ADAMTS3: variants seen among roughly 807,000 people sequenced by gnomAD.
ADAMTS3 encodes ADAM metallopeptidase with thrombospondin type 1 motif 3, also known as A disintegrin and metalloproteinase with thrombospondin motifs 3.
A neutral mutation model predicts 129.0 loss-of-function variants in ADAMTS3; 73 were observed. The observed-to-expected ratio is 0.57, with a 90% CI of 0.47 to 0.69. The LOEUF is 0.69. ADAMTS3 is among the 30% of genes least tolerant of loss of function. The pLI is 0.00. For synonymous variants in ADAMTS3, 477 were observed against 510.8 expected, an observed-to-expected ratio of 0.93 and a Z score of 0.89; for missense variants, 1,457 against 1,514.5, an observed-to-expected ratio of 0.96 and a Z score of 0.63.
chr4:72,539,844 C>A (rs892434686), intron 3 of ADAMTS3, among the ~76,000 whole-genome samples: 1 of 152,136 alleles, frequency 6.6e-6, no homozygotes, highest in Non-Finnish European at 1.5e-5. Context: ...CCTTGCCTTC[C>A]GCCATGATTG....
chr4:72,455,828 T>C (rs1292823942), intron 3 of ADAMTS3, among the ~76,000 whole-genome samples: 2 of 130,804 alleles, frequency 1.5e-5, no homozygotes, highest in African/African-American at 5.7e-5. Flanking sequence ...ACATATAGTA[T>C]ATACAGTGTA....
intron 4 of ADAMTS3, among the ~76,000 whole-genome samples, chr4:72,402,293 C>T (rs1380279808): frequency 6.6e-6 from 1 of 152,150 alleles, no homozygotes; most frequent in Non-Finnish European, 1.5e-5. Flanking sequence ...AGATCATTCA[C>T]TATAATGCGA....
chr4:72,549,975 AAG>A (rs1721576362), intron 2 of ADAMTS3, among the ~76,000 whole-genome samples: 1 of 29,028 alleles, frequency 3.4e-5, no homozygotes, highest in African/African-American at 2.4e-4. Flanking sequence ...GAAGAAGAAG[AAG>A]AAGAAGAAGA....
intron 19 of ADAMTS3, 146 bp downstream of exon 19, chr4:72,295,508 T>G: frequency 1.3e-6 from 1 of 749,518 alleles, no homozygotes; most frequent in Non-Finnish European, 2.0e-6. Flanking sequence ...AACTGCAGCT[T>G]TATATAATTC....
chr4:72,326,686 T>A (rs1719707681), intron 5 of ADAMTS3, among the ~76,000 whole-genome samples: 1 of 152,002 alleles, frequency 6.6e-6, no homozygotes, highest in Non-Finnish European at 1.5e-5. Context: ...CCCCCATCCA[T>A]GCACAAAGTT....
chr4:72,552,679 G>A (rs1157557310), intron 2 of ADAMTS3, among the ~76,000 whole-genome samples: 1 of 152,042 alleles, frequency 6.6e-6, no homozygotes, highest in Non-Finnish European at 1.5e-5. Context: ...TTGAAGCTGG[G>A]GATTCTCACA....
At chr4:72,289,779 A>T (rs1358859825) in intron 20 of ADAMTS3, among the ~76,000 whole-genome samples, 1 of 152,146 alleles carries the variant, frequency 6.6e-6, no homozygotes, top group East Asian at 1.9e-4. Context: ...TCTCTCTTGC[A>T]TGCCTCCTTG....
At chr4:72,519,042 A>G (rs1347648443) in intron 3 of ADAMTS3, among the ~76,000 whole-genome samples, 1 of 150,656 alleles carries the variant, frequency 6.6e-6, no homozygotes, top group East Asian at 1.9e-4. Context: ...GGTGGTGACA[A>G]AATCTCTCAG....
chr4:72,504,054 G>A (rs767546469), intron 3 of ADAMTS3, among the ~76,000 whole-genome samples: 2 of 152,022 alleles, frequency 1.3e-5, no homozygotes, highest in Non-Finnish European at 2.9e-5. Flanking sequence ...TATCCAAGTT[G>A]CCACTCTGCC....
At chr4:72,516,425 G>A (rs950829892) in intron 3 of ADAMTS3, among the ~76,000 whole-genome samples, 1 of 152,110 alleles carries the variant, frequency 6.6e-6, no homozygotes, top group Non-Finnish European at 1.5e-5. Context: ...ATTACCTTGG[G>A]CAGTATGGCC....
At chr4:72,457,109 G>A (rs1480392713) in intron 3 of ADAMTS3, among the ~76,000 whole-genome samples, 2 of 151,586 alleles carry the variant, frequency 1.3e-5, no homozygotes, top group East Asian at 3.9e-4. Flanking sequence ...ATAAAGATGT[G>A]CTACATTTAT....
intron 3 of ADAMTS3, among the ~76,000 whole-genome samples, chr4:72,495,348 C>A (rs16845045): frequency 0.02 from 2,981 of 152,186 alleles, 139 homozygotes; most frequent in East Asian, 0.2. Context: ...GGCACAGCAG[C>A]AAATCAGCAG....
intron 3 of ADAMTS3, among the ~76,000 whole-genome samples, chr4:72,443,596 A>G (rs1243824815): frequency 2.0e-5 from 3 of 151,706 alleles, no homozygotes; most frequent in African/African-American, 7.3e-5. Flanking sequence ...TAGTTCATCT[A>G]GGTAATCCAG....
At chr4:72,349,148 G>A (rs779505987) in intron 4 of ADAMTS3, among the ~76,000 whole-genome samples, 9 of 151,974 alleles carry the variant, frequency 5.9e-5, no homozygotes, top group Non-Finnish European at 1.2e-4. Flanking sequence ...CTATGATTTT[G>A]AGAAAGAAGC....
intron 2 of ADAMTS3, among the ~76,000 whole-genome samples, chr4:72,555,301 A>G (rs925946886): frequency 7.9e-5 from 12 of 151,500 alleles, no homozygotes; most frequent in Non-Finnish European, 7.4e-5. Flanking sequence ...ATATTAGCCT[A>G]CTGAAATATT....
At chr4:72,511,925 T>G (rs1720325380) in intron 3 of ADAMTS3, among the ~76,000 whole-genome samples, 1 of 152,190 alleles carries the variant, frequency 6.6e-6, no homozygotes, top group Non-Finnish European at 1.5e-5. Context: ...GGAGTACTAT[T>G]CAGTTATAAA....
chr4:72,353,488 A>C (rs1720496160), intron 4 of ADAMTS3, among the ~76,000 whole-genome samples: 1 of 151,980 alleles, frequency 6.6e-6, no homozygotes. Flanking sequence ...GTGCAGTTTC[A>C]GTTGTAGCTG....
chr4:72,413,961 A>T (rs1012555750), intron 4 of ADAMTS3, among the ~76,000 whole-genome samples: 5 of 151,920 alleles, frequency 3.3e-5, no homozygotes, highest in African/African-American at 9.7e-5. Context: ...GTAGCATCTG[A>T]AAATCAAACT....
intron 3 of ADAMTS3, among the ~76,000 whole-genome samples, chr4:72,538,278 CT>C (rs1274555022): frequency 6.6e-6 from 1 of 152,096 alleles, no homozygotes; most frequent in Non-Finnish European, 1.5e-5. Flanking sequence ...GTATAAACAT[CT>C]AAGAAGCTCA....
Sources: allele counts gnomAD v4.1 joint callset (sites outside exome capture counted in the v4.1 genomes callset), GRCh38; gene constraint gnomAD v4.1.1; transcripts MANE v1.5; gene names NCBI Gene and HGNC (gene_info 2026-07-23, HGNC 2026-07-21).